DCUN1D5: variants seen among roughly 807,000 people sequenced by gnomAD.
The protein encoded by DCUN1D5 is DCN1-like protein 5.
DCUN1D5 carries 10 observed loss-of-function variants against 38.3 expected under a neutral mutation model. The observed-to-expected ratio is 0.26, with a 90% confidence interval of 0.16 to 0.44. The LOEUF (loss-of-function observed/expected upper bound fraction) is 0.44. Ranked by LOEUF, DCUN1D5 falls within the 20% of genes least tolerant of loss-of-function variation. DCUN1D5 has a pLI of 1.00. For missense variants in DCUN1D5, 148 were observed against 275.3 expected (o/e 0.54, Z 3.27); for synonymous variants, 93 against 90.9 (o/e 1.02, Z -0.13).
Position 103,086,537 on chromosome 11 carries a change from T to A in DCUN1D5, c.178+2690A>T, listed in dbSNP as rs1168977287. Among the ~76,000 whole-genome samples, 1 of 152,168 alleles carries A rather than the reference T, an allele frequency of 6.6e-6. No individual in the cohort carries two copies. The highest frequency in any genetic ancestry group is 1.5e-5 in the Non-Finnish European group (1 of 68,022). On this transcript the variant is annotated intron_variant, in intron 2 of 7. Transcript: ENST00000260247. The surrounding 1 kb of genome is among the most constrained non-coding windows in gnomAD (Gnocchi z 4.1). ...CCTAATCACTCTATCTGAAAGTCCA[T>A]CTAACCCTTCTTTCTTCTCTATTCC...
At chr11:103,085,169 G>C (rs1862670126) in intron 2 of DCUN1D5, among the ~76,000 whole-genome samples, 1 of 152,196 alleles carries the variant, frequency 6.6e-6, no homozygotes, top group African/African-American at 2.4e-5. Flanking sequence ...GCTAGGAGCA[G>C]TGGCTCACGC....
Position 103,079,578 on chromosome 11 carries a change from C to T in DCUN1D5, c.341+3170G>A, listed in dbSNP as rs2509115. ...AGACAAGCTGGAGCATCACTTGAGC[C>T]CAGGAGTTTGAGACCAGCCTGGACA... is the stretch of plus-strand genomic sequence containing the variant. On this transcript the variant is annotated intron_variant, in intron 4 of 7. Transcript: ENST00000260247. Among the ~76,000 whole-genome samples, 1,030 of 151,484 alleles carry T rather than the reference C, an allele frequency of 6.8e-3. 44 individuals carry two copies. In the East Asian group the frequency reaches 0.12, roughly 17 times the overall value.
At chr11:103,084,122 T>C (rs1862638015) in intron 2 of DCUN1D5, among the ~76,000 whole-genome samples, 1 of 152,206 alleles carries the variant, frequency 6.6e-6, no homozygotes, top group Admixed American at 6.5e-5. Context: ...ATATAGTAAT[T>C]ACATCATCAC....
Position 103,059,353 on chromosome 11 carries a change from C to A in DCUN1D5, c.*3006G>T, listed in dbSNP as rs1294072008. ...TCTCAGAATTTACTCCCACCCCGACCCCGAGTGATGGCATTCAATATTAAG... is the reference window on the plus strand; with the variant it reads ...TCTCAGAATTTACTCCCACCCCGACACCGAGTGATGGCATTCAATATTAAG... On this transcript the variant is annotated 3_prime_UTR_variant, in exon 8 of 8. Transcript: ENST00000260247. Among the ~76,000 whole-genome samples, 2 of 152,002 alleles carry A rather than the reference C, an allele frequency of 1.3e-5. No homozygotes were observed. Among genetic ancestry groups the A allele is most frequent in the African/African-American group, 4.8e-5 (2 of 41,390 alleles).
At chr11:103,080,869 G>A (rs528942000) in intron 4 of DCUN1D5, among the ~76,000 whole-genome samples, 1 of 152,070 alleles carries the variant, frequency 6.6e-6, no homozygotes, top group East Asian at 1.9e-4. Context: ...AAAATTAGCC[G>A]GGCGTGGAGG....
intron 4 of DCUN1D5, among the ~76,000 whole-genome samples, chr11:103,081,273 G>A (rs980721003): frequency 1.3e-5 from 2 of 152,086 alleles, no homozygotes; most frequent in Non-Finnish European, 1.5e-5. Flanking sequence ...CACTTATAAT[G>A]ACAAATGTCT....
At chr11:103,072,062 G>T (rs1209149143) in intron 4 of DCUN1D5, among the ~76,000 whole-genome samples, 1 of 151,624 alleles carries the variant, frequency 6.6e-6, no homozygotes, top group Non-Finnish European at 1.5e-5. Flanking sequence ...AAATAGAGGG[G>T]AGTGTCCTCA....
rs1861798378 is a variant in DCUN1D5 at position 103,053,542 on chromosome 11, G to A, written c.*8817C>T. The stretch of plus-strand genomic sequence containing the variant: ...AGAAAACATAAATATTTAAGGTGAT[G>A]GATATCCCAATTATCTTCATTTAAT... On this transcript the variant is annotated 3_prime_UTR_variant, in exon 8 of 8. Transcript: ENST00000260247. This position sits in a 1 kb window ranked among gnomAD's most constrained non-coding sequence, Gnocchi z 4.8. 6.6e-6 allele frequency: 1 copy of A among 151,792 alleles called. No homozygotes were observed. The highest frequency in any genetic ancestry group is 1.5e-5 in the Non-Finnish European group (1 of 67,914). The allele number at this position is 151,792 out of a possible 1,614,324, so 9.4% of individuals were successfully genotyped here.
rs568969404 is a variant in DCUN1D5, at chr11:103,091,924, G to C, written c.-52C>G. The C allele has an allele frequency of 1.9e-6, 3 of 1,544,042 alleles. No homozygotes were observed. The highest frequency in any genetic ancestry group is 2.2e-5 in the East Asian group (1 of 44,502). On this transcript the variant is annotated 5_prime_UTR_variant, in exon 1 of 8. Transcript: ENST00000260247. The surrounding 1 kb of genome is among the most constrained non-coding windows in gnomAD (Gnocchi z 4.3). ...AGGGGAGCCGGGGAAGGGGGTCCCT[G>C]TCCGCTGGAAGCCCCTCAGCGCTGG... is the stretch of plus-strand genomic sequence containing the variant.
At position 103,071,632 on chromosome 11, in the gene DCUN1D5, A is replaced by G. The variant is rs1266565171; in HGVS notation, c.342-5065T>C. Among the ~76,000 whole-genome samples, 1 of 150,816 alleles carries G rather than the reference A, an allele frequency of 6.6e-6. No homozygotes were observed. The highest frequency in any genetic ancestry group is 1.5e-5 in the Non-Finnish European group (1 of 67,662). ...TACACAGATTTTTACATAGATATAAAAATTCTACATATGTAACAATTTTTC... is the reference window on the plus strand; with the variant it reads ...TACACAGATTTTTACATAGATATAAGAATTCTACATATGTAACAATTTTTC... On this transcript the variant is annotated intron_variant, in intron 4 of 7. Transcript: ENST00000260247. The surrounding 1 kb of genome is among the most constrained non-coding windows in gnomAD (Gnocchi z 4.1).
At position 103,077,425 on chromosome 11, in the gene DCUN1D5, C is replaced by T. The variant is rs1281400890; in HGVS notation, c.341+5323G>A. On this transcript the variant is annotated intron_variant, in intron 4 of 7. Coordinates refer to ENST00000260247, the MANE Select transcript of DCUN1D5 (RefSeq NM_032299.4). The surrounding 1 kb of genome is among the most constrained non-coding windows in gnomAD (Gnocchi z 4.3). ...TAAAAAGAAATGCATACTTAACTAG[C>T]GTACTATGGAAAGCAAGAGATAGTT... 6.6e-6 allele frequency among the ~76,000 whole-genome samples: 1 copy of T among 152,104 alleles called. No homozygotes were observed. The highest frequency in any genetic ancestry group is 2.4e-5 in the African/African-American group (1 of 41,410).
rs1345524553 is a variant in DCUN1D5 at position 103,086,317 on chromosome 11, C to T, written c.178+2910G>A. On this transcript the variant is annotated intron_variant, in intron 2 of 7. Transcript: ENST00000260247. The surrounding 1 kb of genome is among the most constrained non-coding windows in gnomAD (Gnocchi z 4.1). ...GCTATTACTGTTTTAATAATAATAA[C>T]ATTTGAGTTCTGACTATATACCAGG... 2.0e-5 allele frequency among the ~76,000 whole-genome samples: 3 copies of T among 152,162 alleles called. No homozygotes were observed. Among genetic ancestry groups the T allele is most frequent in the Non-Finnish European group, 4.4e-5 (3 of 68,032 alleles).
rs1401559798 is a variant in DCUN1D5, at chr11:103,054,947, G to A, written c.*7412C>T. 6.6e-6 allele frequency: 1 copy of A among 152,106 alleles called. No individual in the cohort carries two copies. Among genetic ancestry groups the A allele is most frequent in the East Asian group, 1.9e-4 (1 of 5,198 alleles). 9.4% of individuals were successfully genotyped at this position (152,106 alleles called of 1,614,324 possible). A position where few individuals can be genotyped will look rare whatever the true frequency, so the allele number is the denominator to read the frequency against. On this transcript the variant is annotated 3_prime_UTR_variant, in exon 8 of 8. Coordinates refer to ENST00000260247, the MANE Select transcript of DCUN1D5 (RefSeq NM_032299.4). ...TCATTAATTGAGATTGAATGTAGGT[G>A]CAGGTTGAATATCTCTTATCCAAAA...
chr11:103,069,887 A>C (rs1862228958), intron 4 of DCUN1D5, among the ~76,000 whole-genome samples: 3 of 152,164 alleles, frequency 2.0e-5, no homozygotes, highest in African/African-American at 7.2e-5. Flanking sequence ...CGATCCAGAG[A>C]TCCAGAGTTT....
chr11:103,072,763 G>GGT lies in DCUN1D5; in HGVS notation c.342-6198_342-6197dup, dbSNP rs1295413194. ...CATCACACACCGGGGCCTGTCGGGGGGTGGGGGGAGGGGGGAGGGATAGCA... is the reference window on the plus strand; with the variant it reads ...CATCACACACCGGGGCCTGTCGGGGGGTGTGGGGGGAGGGGGGAGGGATAGCA... On this transcript the variant is annotated intron_variant, in intron 4 of 7. Transcript: ENST00000260247. Among the ~76,000 whole-genome samples, 15 of 133,082 alleles carry GGT rather than the reference G, an allele frequency of 1.1e-4. 1 individual carries two copies. The highest frequency in any genetic ancestry group is 1.5e-4 in the Admixed American group (2 of 13,014). 87.3% of individuals were successfully genotyped at this position (133,082 alleles called of 152,430 possible). A position where few individuals can be genotyped will look rare whatever the true frequency, so the allele number is the denominator to read the frequency against.
rs1375949485 is a variant in DCUN1D5, at chr11:103,059,082, T to C, written c.*3277A>G. On this transcript the variant is annotated 3_prime_UTR_variant, in exon 8 of 8. Coordinates refer to ENST00000260247, the MANE Select transcript of DCUN1D5 (RefSeq NM_032299.4). ...TTTTATCAGAGATGAATTATCACAATAGTTTTAAGTACACTTCTTTAAGAG... is the reference window on the plus strand; with the variant it reads ...TTTTATCAGAGATGAATTATCACAACAGTTTTAAGTACACTTCTTTAAGAG... Among the ~76,000 whole-genome samples the C allele has an allele frequency of 6.6e-6, 1 of 152,074 alleles. No homozygotes were observed. Among genetic ancestry groups the C allele is most frequent in the Non-Finnish European group, 1.5e-5 (1 of 68,006 alleles).
chr11:103,072,930 T>C (rs1383663527), intron 4 of DCUN1D5, among the ~76,000 whole-genome samples: 1 of 151,984 alleles, frequency 6.6e-6, no homozygotes. Flanking sequence ...AAAAGATATA[T>C]AGATCAGAAA....
At chr11:103,081,735 G>A (rs1320182911) in intron 4 of DCUN1D5, among the ~76,000 whole-genome samples, 1 of 152,062 alleles carries the variant, frequency 6.6e-6, no homozygotes, top group African/African-American at 2.4e-5. Context: ...TTATGATTTG[G>A]TTCATATGAG....
rs992525965 is a variant in DCUN1D5, at chr11:103,061,793, T to C, written c.*566A>G. Among the ~76,000 whole-genome samples, 3 of 152,090 alleles carry C rather than the reference T, an allele frequency of 2.0e-5. No homozygotes were observed. Among genetic ancestry groups the C allele is most frequent in the African/African-American group, 7.2e-5 (3 of 41,434 alleles). Reference sequence around the variant, plus strand: ...GACATCTGCATAAGACCTTGGCAGCTTTTATAGAAACCCAGAGCTAAAAGT... The same window carrying C: ...GACATCTGCATAAGACCTTGGCAGCCTTTATAGAAACCCAGAGCTAAAAGT... On this transcript the variant is annotated 3_prime_UTR_variant, in exon 8 of 8. Transcript: ENST00000260247.
Sources: allele counts gnomAD v4.1 joint callset (sites outside exome capture counted in the v4.1 genomes callset), GRCh38; gene constraint gnomAD v4.1.1; non-coding constraint Gnocchi (gnomAD v3.1); transcripts MANE v1.5; gene names NCBI Gene and HGNC (gene_info 2026-07-23, HGNC 2026-07-21).